Variants in TBC1D5 observed in about 807,000 individuals in gnomAD.
TBC1D5 encodes TBC1 domain family, member 5.
TBC1D5 carries 75 observed loss-of-function variants against 100.3 expected under a neutral mutation model. The observed-to-expected ratio is 0.75, with a 90% CI of 0.62 to 0.91. TBC1D5 has a LOEUF of 0.91. TBC1D5 is among the 40% of genes least tolerant of loss of function. The pLI is 0.00. For missense variants in TBC1D5, 910 were observed against 942.4 expected, an observed-to-expected ratio of 0.97 and a Z score of 0.45; for synonymous variants, 323 against 325.6, an observed-to-expected ratio of 0.99 and a Z score of 0.09.
At chr3:17,614,485 C>A (rs531540880) in intron 2 of TBC1D5, among the ~76,000 whole-genome samples, 2,460 of 152,228 alleles carry the variant, frequency 0.016, 66 homozygotes, top group African/African-American at 0.056. Flanking sequence ...GGCAGTATGA[C>A]CATTTTCACA....
At chr3:17,313,667 T>C (rs1351645023) in intron 13 of TBC1D5, among the ~76,000 whole-genome samples, 1 of 152,176 alleles carries the variant, frequency 6.6e-6, no homozygotes, top group Non-Finnish European at 1.5e-5. Context: ...AATCTCCTAA[T>C]ACATTTATAC....
At position 17,710,489 on chromosome 3, in the gene TBC1D5, G is replaced by A. The variant is rs377217318; in HGVS notation, c.-101+28854C>T. The stretch of plus-strand genomic sequence containing the variant: ...TGAAGCAGAAGAATCACTTGAACCC[G>A]GGAGGCGGAGGTTGCAGTGAGCTGA... On this transcript the variant is annotated intron_variant, in intron 1 of 21. Coordinates refer to ENST00000253692, the Ensembl canonical transcript of TBC1D5. Among the ~76,000 whole-genome samples, 177 of 151,976 alleles carry A rather than the reference G, an allele frequency of 1.2e-3. 2 individuals carry two copies. The South Asian group carries it at 0.018, about 16-fold the overall frequency.
intron 16 of TBC1D5, among the ~76,000 whole-genome samples, chr3:17,244,349 A>G (rs2076550755): frequency 6.6e-6 from 1 of 152,220 alleles, no homozygotes; most frequent in African/African-American, 2.4e-5. Context: ...AAAGGACCAA[A>G]TAAGAGGCTT....
At chr3:17,524,972 G>A (rs2096113551) in intron 2 of TBC1D5, among the ~76,000 whole-genome samples, 1 of 151,772 alleles carries the variant, frequency 6.6e-6, no homozygotes. Context: ...ACAGCATACT[G>A]AAATCAACAA....
chr3:17,416,042 C>T (rs1470476130), intron 4 of TBC1D5, among the ~76,000 whole-genome samples: 1 of 152,078 alleles, frequency 6.6e-6, no homozygotes, highest in Admixed American at 6.6e-5. Flanking sequence ...TTTAGCGAAA[C>T]CTGATGTCCT....
intron 13 of TBC1D5, among the ~76,000 whole-genome samples, chr3:17,335,900 G>C (rs1218928829): frequency 4.6e-5 from 7 of 152,060 alleles, no homozygotes; most frequent in Non-Finnish European, 8.8e-5. Context: ...AATAAGTATT[G>C]CAACAAAATA....
At chr3:17,558,848 AATTTTTTAAACTGC>A (rs2096538439) in intron 2 of TBC1D5, among the ~76,000 whole-genome samples, 1 of 152,164 alleles carries the variant, frequency 6.6e-6, no homozygotes, top group Non-Finnish European at 1.5e-5. Context: ...TCCTACCTTG[AATTTTTTAAACTGC>A]TTAAAAACAT....
At chr3:17,358,705 A>G (rs1384263730) in intron 13 of TBC1D5, among the ~76,000 whole-genome samples, 1 of 152,190 alleles carries the variant, frequency 6.6e-6, no homozygotes, top group African/African-American at 2.4e-5. Flanking sequence ...CTAAATTAAA[A>G]TGTTTTAAAA....
At chr3:17,167,569 C>T (rs139331680) in intron 20 of TBC1D5, among the ~76,000 whole-genome samples, 180 bp downstream of exon 21, 83 of 152,258 alleles carry the variant, frequency 5.5e-4, no homozygotes, top group African/African-American at 1.6e-3. Flanking sequence ...GCAAGCTAGT[C>T]AGATATAATT....
At chr3:17,685,169 A>T (rs2070079639) in intron 1 of TBC1D5, among the ~76,000 whole-genome samples, 1 of 151,800 alleles carries the variant, frequency 6.6e-6, no homozygotes, top group African/African-American at 2.4e-5. Flanking sequence ...ATTTAAAGCT[A>T]AAAAAAGCTG....
At chr3:17,286,158 C>T (rs117077700) in intron 15 of TBC1D5, among the ~76,000 whole-genome samples, 2,418 of 152,272 alleles carry the variant, frequency 0.016, 46 homozygotes, top group South Asian at 0.032. Context: ...CAACACACAA[C>T]ACAAATAAGA....
At chr3:17,337,121 A>AG (rs1232433907) in intron 13 of TBC1D5, among the ~76,000 whole-genome samples, 1 of 99,664 alleles carries the variant, frequency 1.0e-5, no homozygotes, top group Non-Finnish European at 1.8e-5. Context: ...ATTATCTGAG[A>AG]GGTTTTTTTT....
intron 18 of TBC1D5, among the ~76,000 whole-genome samples, chr3:17,194,935 A>G (rs1042729533): frequency 7.9e-5 from 12 of 152,252 alleles, no homozygotes; most frequent in Non-Finnish European, 2.9e-5. Context: ...TAAGCTTACA[A>G]TCTGGAATAA....
intron 4 of TBC1D5, among the ~76,000 whole-genome samples, chr3:17,418,305 C>T (rs1375185998): frequency 2.6e-5 from 4 of 152,024 alleles, no homozygotes; most frequent in Admixed American, 6.6e-5. Context: ...TTTTGATCAT[C>T]GATTCAAATA....
intron 1 of TBC1D5, among the ~76,000 whole-genome samples, chr3:17,665,350 T>C (rs2067146958): frequency 1.3e-5 from 2 of 152,230 alleles, no homozygotes; most frequent in Admixed American, 6.5e-5. Flanking sequence ...CTCATATCTT[T>C]ATAAAAGTTT....
At chr3:17,242,091 GC>G (rs2076353895) in intron 16 of TBC1D5, among the ~76,000 whole-genome samples, 1 of 152,058 alleles carries the variant, frequency 6.6e-6, no homozygotes, top group Admixed American at 6.6e-5. Context: ...GATTTTTATT[GC>G]CCACTTGATG....
chr3:17,481,993 G>C (rs1394802589), intron 3 of TBC1D5, among the ~76,000 whole-genome samples: 1 of 152,130 alleles, frequency 6.6e-6, no homozygotes, highest in Non-Finnish European at 1.5e-5. Flanking sequence ...CACCAGCCTT[G>C]GCTTCCCAAA....
intron 3 of TBC1D5, among the ~76,000 whole-genome samples, chr3:17,480,141 G>A (rs1269461962): frequency 3.9e-5 from 6 of 152,158 alleles, no homozygotes; most frequent in African/African-American, 7.2e-5. Context: ...CTGTCATGCC[G>A]GCCCCCTGCC....
At chr3:17,644,906 T>C (rs2064873853) in intron 1 of TBC1D5, among the ~76,000 whole-genome samples, 1 of 152,042 alleles carries the variant, frequency 6.6e-6, no homozygotes, top group African/African-American at 2.4e-5. Context: ...ACTTCATTTT[T>C]GGGTGAAAAT....
Sources: allele counts gnomAD v4.1 joint callset (sites outside exome capture counted in the v4.1 genomes callset), GRCh38; gene constraint gnomAD v4.1.1; transcripts MANE v1.5; gene names NCBI Gene and HGNC (gene_info 2026-07-23, HGNC 2026-07-21).